The following GABRG2 variants were observed in gnomAD, a reference collection of about 807,000 sequenced individuals.
The protein encoded by GABRG2 is gamma-aminobutyric acid type A receptor subunit gamma2.
Under a neutral mutation model 56.4 loss-of-function variants are expected in GABRG2, and 16 were observed. The observed-to-expected ratio is 0.28, with a 90% CI of 0.19 to 0.43. GABRG2 has a LOEUF of 0.43. Among genes scored for constraint, GABRG2 ranks in the 20% least tolerant of loss-of-function variants. The probability of loss-of-function intolerance (pLI) is 1.00; values close to 1 mark genes in which losing one functional copy is unlikely to be tolerated. For missense variants in GABRG2, 327 were observed against 582.7 expected, an observed-to-expected ratio of 0.56 and a Z score of 4.52; for synonymous variants, 208 against 205.5, an observed-to-expected ratio of 1.01 and a Z score of -0.10.
chr5:162,146,455 G>A (rs938376681), intron 7 of GABRG2, among the ~76,000 whole-genome samples: 1 of 152,022 alleles, frequency 6.6e-6, no homozygotes, highest in South Asian at 2.1e-4. Context: ...ACAGTATCTG[G>A]TCAAAGAAAA....
intron 8 of GABRG2, 67 bp downstream of exon 8, chr5:162,149,380 C>A: frequency 1.4e-6 from 2 of 1,467,952 alleles, no homozygotes; most frequent in Non-Finnish European, 1.9e-6. Flanking sequence ...TTTTCATTAG[C>A]CTATCTGCAG....
rs184762657 is a variant in GABRG2 at position 162,119,911 on chromosome 5, C to T, written c.769+15885C>T. ...GAGCTATTGTAGTTCTTAATTGTGA[C>T]GGTTTCAGGGGCTTACTTTAGCAAG... is the stretch of plus-strand genomic sequence containing the variant. On this transcript the variant is annotated intron_variant, in intron 6 of 9. Coordinates refer to ENST00000639213, the MANE Select transcript of GABRG2 (RefSeq NM_198904.4). Among the ~76,000 whole-genome samples, 41 of 152,184 alleles carry T rather than the reference C, an allele frequency of 2.7e-4. 1 individual carries two copies. Among genetic ancestry groups the T allele is most frequent in the African/African-American group, 7.2e-4 (30 of 41,538 alleles).
At chr5:162,101,126 A>T in intron 4 of GABRG2, 109 bp from the exon 5 acceptor site, 1 of 799,176 alleles carries the variant, frequency 1.3e-6, no homozygotes, top group Non-Finnish European at 2.1e-6. Flanking sequence ...CTGTGTTTTC[A>T]ATCAGAATGT....
chr5:162,101,329 T>G lies in GABRG2; in HGVS notation c.631+12T>G. On this transcript the variant is annotated intron_variant, in intron 5 of 9. Transcript: ENST00000639213. ...GGAGTTCTCCAGTTGTAAGTAATAT[T>G]CCTTCTCCATTTGTATCCTCCCTCA... is the stretch of plus-strand genomic sequence containing the variant. 6.5e-7 allele frequency: 1 copy of G among 1,547,888 alleles called. No individual in the cohort carries two copies. Among genetic ancestry groups the G allele is most frequent in the African/African-American group, 1.4e-5 (1 of 73,270 alleles).
intron 7 of GABRG2, among the ~76,000 whole-genome samples, chr5:162,143,739 T>A (rs981867608): frequency 6.6e-6 from 1 of 152,198 alleles, no homozygotes; most frequent in Non-Finnish European, 1.5e-5. Flanking sequence ...ATATAAAACA[T>A]GTATAATTTC....
intron 6 of GABRG2, among the ~76,000 whole-genome samples, chr5:162,113,211 G>A (rs1185314684): frequency 5.3e-5 from 8 of 152,026 alleles, no homozygotes; most frequent in Non-Finnish European, 1.2e-4. Context: ...AAGTTCTGGG[G>A]TTACAAGCAT....
rs763542378 is a variant in GABRG2, at chr5:162,093,966, G to A, written c.246G>A (p.Arg82=). The change falls in exon 2 of 10, where the codon CGG becomes CGA. Residue 82 remains arginine, a synonymous_variant. Transcript: ENST00000639213. ...NLLEGYDNKL[R]PDIGVKPTLI... ...TGGAAGGATATGACAATAAACTTCG[G>A]CCTGATATAGGAGGTTTGTTAAAGT... 4 of 1,613,188 alleles carry A rather than the reference G, an allele frequency of 2.5e-6. 1 individual carries two copies. In the South Asian group the frequency reaches 4.4e-5, roughly 18 times the overall value.
chr5:162,133,283 C>T (rs34354554), intron 6 of GABRG2, among the ~76,000 whole-genome samples: 15,043 of 152,146 alleles, frequency 0.099, 968 homozygotes, highest in Non-Finnish European at 0.14. Context: ...AACACTTTGC[C>T]TACTATTAGC....
chr5:162,116,805 T>C (rs1285334406), intron 6 of GABRG2, among the ~76,000 whole-genome samples: 1 of 150,620 alleles, frequency 6.6e-6, no homozygotes, highest in African/African-American at 2.5e-5. Context: ...CTGTGACATT[T>C]AATTCTGCAA....
intron 3 of GABRG2, 27 bp downstream of exon 3, chr5:162,095,589 C>G (rs1359797829): frequency 6.7e-7 from 1 of 1,483,562 alleles, no homozygotes; most frequent in Non-Finnish European, 9.4e-7. Context: ...AATTCTTTGT[C>G]TGTTTTATTA....
intron 1 of GABRG2, among the ~76,000 whole-genome samples, chr5:162,072,360 T>C (rs954318908): frequency 6.6e-6 from 1 of 151,994 alleles, no homozygotes; most frequent in African/African-American, 2.4e-5. Flanking sequence ...TTATACATAC[T>C]TATCGTTCTC....
intron 1 of GABRG2, among the ~76,000 whole-genome samples, chr5:162,080,619 GGGGTAAGACT>G (rs1163030664): frequency 2.0e-5 from 3 of 152,132 alleles, no homozygotes; most frequent in Non-Finnish European, 4.4e-5. Flanking sequence ...GTTTGGATAA[GGGGTAAGACT>G]TCATATACTA....
intron 8 of GABRG2, chr5:162,149,916 GATA>G (rs1194077873): frequency 1.3e-5 from 3 of 228,620 alleles, no homozygotes; most frequent in African/African-American, 6.9e-5. Flanking sequence ...GCCTGGCCAT[GATA>G]ATATTATTAA....
intron 6 of GABRG2, among the ~76,000 whole-genome samples, chr5:162,117,280 A>G (rs1241666851): frequency 6.6e-6 from 1 of 152,220 alleles, no homozygotes; most frequent in Non-Finnish European, 1.5e-5. Flanking sequence ...GTCCTGTACT[A>G]AATTCAATTT....
rs185710648 is a variant in GABRG2 at position 162,147,149 on chromosome 5, T to C, written c.923-1959T>C. 1.4e-3 allele frequency among the ~76,000 whole-genome samples: 215 copies of C among 152,288 alleles called. 1 individual carries two copies. Among genetic ancestry groups the C allele is most frequent in the Non-Finnish European group, 2.3e-3 (154 of 68,018 alleles). On this transcript the variant is annotated intron_variant, in intron 7 of 9. Coordinates refer to ENST00000639213, the MANE Select transcript of GABRG2 (RefSeq NM_198904.4). ...TGTATGACACTGGTGCTTTTCTCAG[T>C]ATCTTCCTCTTCTCTTGCCCTCCAA...
At chr5:162,068,214 T>G in intron 1 of GABRG2, 108 bp downstream of exon 1, 1 of 764,238 alleles carries the variant, frequency 1.3e-6, no homozygotes, top group Non-Finnish European at 2.3e-6. Context: ...TCCTAGGATG[T>G]GCGGCTTTAC....
intron 5 of GABRG2, chr5:162,101,793 C>T (rs950684424): frequency 1.3e-5 from 2 of 159,520 alleles, no homozygotes; most frequent in African/African-American, 4.8e-5. Context: ...AAATATAAAA[C>T]CATTATTTTT....
chr5:162,127,809 G>A (rs150212253), intron 6 of GABRG2, among the ~76,000 whole-genome samples: 63 of 152,084 alleles, frequency 4.1e-4, no homozygotes, highest in Middle Eastern at 3.4e-3. Context: ...GAGCATAGAC[G>A]TGAGGAAACT....
chr5:162,068,296 A>G lies in GABRG2; in HGVS notation c.107+190A>G, dbSNP rs80065996. On this transcript the variant is annotated intron_variant, in intron 1 of 9. Coordinates refer to ENST00000639213, the MANE Select transcript of GABRG2 (RefSeq NM_198904.4). ...AGTGGAAGGTCACTTTCGTTAATGT[A>G]TTCATTTATTGGATTTTATTTTATT... is the stretch of plus-strand genomic sequence containing the variant. 3.0e-3 allele frequency among the ~76,000 whole-genome samples: 453 copies of G among 152,074 alleles called. 2 individuals are homozygous for G. The highest frequency in any genetic ancestry group is 0.011 in the African/African-American group (437 of 41,484).
Sources: allele counts gnomAD v4.1 joint callset (sites outside exome capture counted in the v4.1 genomes callset), GRCh38; gene constraint gnomAD v4.1.1; transcripts MANE v1.5; gene names NCBI Gene and HGNC (gene_info 2026-07-23, HGNC 2026-07-21).